DMD: variants seen among roughly 807,000 people sequenced by gnomAD.
DMD encodes mutant dystrophin.
DMD carries 63 observed loss-of-function variants against 330.1 expected under a neutral mutation model. The observed-to-expected ratio is 0.19, with a 90% CI of 0.16 to 0.24. DMD has a LOEUF of 0.24. Ranked by LOEUF, DMD falls within the 10% of genes least tolerant of loss-of-function variation. The pLI, the probability that DMD is intolerant of heterozygous loss-of-function variation, is 1.00. For synonymous variants in DMD, 1,223 were observed against 959.8 expected (o/e 1.27, Z -5.07); for missense variants, 3,344 against 2,684.1 (o/e 1.25, Z -5.43).
chrX:31,607,867 T>C (rs2077691892), intron 55 of DMD, among the ~76,000 whole-genome samples: 1 of 112,069 alleles, frequency 8.9e-6, no homozygotes, highest in Non-Finnish European at 1.9e-5. Context: ...AATAATCCAA[T>C]TATTCAAAAG....
intron 7 of DMD, among the ~76,000 whole-genome samples, chrX:32,731,708 G>GTTTT (rs1043926926): frequency 8.9e-6 from 1 of 111,831 alleles, no homozygotes; most frequent in African/African-American, 3.3e-5. Flanking sequence ...GGTCCTGTCT[G>GTTTT]TTAGAAGGAA....
chrX:31,126,803 G>GAAAAAAAAAAAAAAAAAAAAA (rs58738809), intron 77 of DMD, 130 bp from the exon 78 acceptor site: 1 of 175,675 alleles, frequency 5.7e-6, no homozygotes, highest in Non-Finnish European at 9.6e-6. Flanking sequence ...TTCTCTGCTG[G>GAAAAAAAAAAAAAAAAAAAAA]AAAAAAAAAA....
At chrX:32,142,033 C>T (rs969054753) in intron 44 of DMD, among the ~76,000 whole-genome samples, 1 of 111,445 alleles carries the variant, frequency 9.0e-6, no homozygotes, top group African/African-American at 3.3e-5. Flanking sequence ...ATGGTGCTTA[C>T]ATCATAATTG....
chrX:31,548,346 A>G (rs1337815733), intron 55 of DMD, among the ~76,000 whole-genome samples: 1 of 111,270 alleles, frequency 9.0e-6, no homozygotes, highest in Non-Finnish European at 1.9e-5. Flanking sequence ...GTCATTCTTA[A>G]GCATCCTCAC....
chrX:31,709,555 G>GCT (rs753402977), intron 52 of DMD, among the ~76,000 whole-genome samples: 3,054 of 89,612 alleles, frequency 0.034, 46 homozygotes, highest in African/African-American at 0.052. Flanking sequence ...TTATTGTACA[G>GCT]CTCTCTCTCT....
In DMD at chrX:32,795,870, C is replaced by T. The variant is rs772195595; in HGVS notation, c.649+13623G>A. On this transcript the variant is annotated intron_variant, in intron 7 of 78. Transcript: ENST00000357033. ...TGAAAAAATGCTCAACATCACTAAT[C>T]ATTAGGGAAATGCAAATCAAGTCAT... Among the ~76,000 whole-genome samples the T allele has an allele frequency of 1.3e-3, 142 of 111,487 alleles. 1 individual carries two copies. Among genetic ancestry groups the T allele is most frequent in the African/African-American group, 3.9e-3 (121 of 30,718 alleles).
intron 7 of DMD, among the ~76,000 whole-genome samples, chrX:32,719,071 G>C (rs1433451065): frequency 9.0e-6 from 1 of 111,624 alleles, no homozygotes; most frequent in Non-Finnish European, 1.9e-5. Context: ...TAGGCAAATA[G>C]GTGATTCACA....
At chrX:33,061,321 A>G (rs969624457) in intron 1 of DMD, among the ~76,000 whole-genome samples, 4 of 112,439 alleles carry the variant, frequency 3.6e-5, no homozygotes, top group Non-Finnish European at 7.5e-5. Flanking sequence ...AATTGGATAT[A>G]TCTTTTAGCT....
rs188761045 is a variant in DMD at position 32,138,560 on chromosome X, T to C, written c.6438+78356A>G. Among the ~76,000 whole-genome samples the C allele has an allele frequency of 4.5e-3, 500 of 112,269 alleles. 1 individual carries two copies. Among genetic ancestry groups the C allele is most frequent in the African/African-American group, 0.015 (473 of 30,903 alleles). ...AATTCTTGCATCATTTATTACTTTA[T>C]TTCATCTAATGAACTCTTGTTTCTA... On this transcript the variant is annotated intron_variant, in intron 44 of 78. Transcript: ENST00000357033.
At chrX:32,491,650 A>G in intron 19 of DMD, 132 bp from the exon 20 acceptor site, 1 of 640,381 alleles carries the variant, frequency 1.6e-6, no homozygotes, top group East Asian at 3.6e-5. Context: ...ATTATTTTCT[A>G]AGATATAAAT....
chrX:32,800,311 A>T (rs757260401), intron 7 of DMD, among the ~76,000 whole-genome samples: 2 of 112,021 alleles, frequency 1.8e-5, no homozygotes, highest in Non-Finnish European at 3.8e-5. Context: ...AGAGTGTTCT[A>T]AGTCTGAGAC....
chrX:32,346,939 T>C (rs1410174923), intron 38 of DMD, among the ~76,000 whole-genome samples: 1 of 111,898 alleles, frequency 8.9e-6, no homozygotes, highest in Admixed American at 9.5e-5. Flanking sequence ...AGTCTCACAT[T>C]GTAATGGTAC....
At chrX:32,930,827 T>G (rs2146688260) in intron 2 of DMD, among the ~76,000 whole-genome samples, 1 of 110,033 alleles carries the variant, frequency 9.1e-6, no homozygotes, top group Admixed American at 9.8e-5. Flanking sequence ...TATATATATT[T>G]ACTATTGCAT....
chrX:33,008,370 T>C (rs967277728), intron 2 of DMD, among the ~76,000 whole-genome samples: 3 of 110,900 alleles, frequency 2.7e-5, no homozygotes, highest in Non-Finnish European at 3.8e-5. Context: ...CTGGCTACCA[T>C]GATCATAATT....
At chrX:31,574,879 A>T (rs1876162040) in intron 55 of DMD, among the ~76,000 whole-genome samples, 1 of 111,998 alleles carries the variant, frequency 8.9e-6, no homozygotes, top group Non-Finnish European at 1.9e-5. Flanking sequence ...ATCTTTTGCA[A>T]ATGTCACCTT....
At chrX:31,861,638 C>G (rs867095272) in intron 48 of DMD, among the ~76,000 whole-genome samples, 2 of 83,107 alleles carry the variant, frequency 2.4e-5, no homozygotes, top group Admixed American at 1.4e-4. Context: ...AAATAATCAC[C>G]TGTGTGTGTG....
chrX:31,444,025 G>A (rs934355253), intron 60 of DMD, among the ~76,000 whole-genome samples: 5 of 110,657 alleles, frequency 4.5e-5, no homozygotes, highest in Non-Finnish European at 9.4e-5. Flanking sequence ...GGTAGTGAGC[G>A]AGGTTTTGCT....
Position 31,124,339 on chromosome X carries a change from A to G in DMD, c.11046+2303T>C, listed in dbSNP as rs149955657. The stretch of plus-strand genomic sequence containing the variant: ...CATTAGATCCAGAAAAAAGAAGTCA[A>G]TCTCTTTTTACAAACTACTGCCCTA... On this transcript the variant is annotated intron_variant, in intron 78 of 78. Transcript: ENST00000357033. 8.9e-5 allele frequency among the ~76,000 whole-genome samples: 10 copies of G among 112,028 alleles called. No individual in the cohort carries two copies. The East Asian group carries it at 2.8e-3, about 31-fold the overall frequency.
At chrX:32,536,764 A>T (rs934659534) in intron 17 of DMD, among the ~76,000 whole-genome samples, 9 of 111,677 alleles carry the variant, frequency 8.1e-5, no homozygotes, top group South Asian at 3.7e-4. Flanking sequence ...TATTTTTTTT[A>T]AAAAAGGAGC....
Sources: gnomAD v4.1 joint callset for allele counts (sites outside exome capture counted in the v4.1 genomes callset) on GRCh38, gnomAD v4.1.1 for gene constraint, MANE v1.5 for transcripts, NCBI Gene and HGNC (gene_info 2026-07-23, HGNC 2026-07-21) for gene names.